The following FHIT variants were observed in gnomAD, a reference collection of about 807,000 sequenced individuals.
FHIT encodes bis(5'-adenosyl)-triphosphatase.
A neutral mutation model predicts 17.9 loss-of-function variants in FHIT; 19 were observed. The ratio of observed to expected loss-of-function variants is 1.06; its 90% CI spans 0.74 to 1.56. The LOEUF (loss-of-function observed/expected upper bound fraction) is 1.56, where lower values mean the gene tolerates loss of function less well. Among genes scored for constraint, FHIT ranks in the 40% most tolerant of loss-of-function variants. The probability of loss-of-function intolerance (pLI) is 0.00; values close to 1 mark genes in which losing one functional copy is unlikely to be tolerated. For missense variants in FHIT, 248 were observed against 189.2 expected (o/e 1.31, Z -1.82); for synonymous variants, 81 against 69.7 (o/e 1.16, Z -0.81).
intron 5 of FHIT, among the ~76,000 whole-genome samples, chr3:60,078,716 G>A (rs1466368516): frequency 6.6e-6 from 1 of 151,966 alleles, no homozygotes; most frequent in Non-Finnish European, 1.5e-5. Context: ...GAGCAAAGAG[G>A]CATCATGTAA....
intron 5 of FHIT, among the ~76,000 whole-genome samples, chr3:60,020,648 G>A (rs114329546): frequency 0.025 from 3,760 of 152,266 alleles, 146 homozygotes; most frequent in African/African-American, 0.083. Flanking sequence ...AGCTTGCAAT[G>A]CAGACCTCAG....
At chr3:60,673,100 G>A (rs1236141551) in intron 4 of FHIT, among the ~76,000 whole-genome samples, 1 of 151,890 alleles carries the variant, frequency 6.6e-6, no homozygotes, top group African/African-American at 2.4e-5. Flanking sequence ...GCTTTAAATA[G>A]TAAGTTACCC....
At chr3:60,805,869 G>A (rs1553733878) in intron 4 of FHIT, among the ~76,000 whole-genome samples, 1 of 152,120 alleles carries the variant, frequency 6.6e-6, no homozygotes, top group African/African-American at 2.4e-5. Flanking sequence ...TACCTTTAAA[G>A]GGGTAATTAA....
chr3:60,413,466 A>G (rs558188098), intron 5 of FHIT, among the ~76,000 whole-genome samples: 2 of 152,324 alleles, frequency 1.3e-5, no homozygotes, highest in Non-Finnish European at 2.9e-5. Flanking sequence ...TAAAGGTCTT[A>G]CTTAAGAAGT....
At chr3:60,876,609 T>C (rs1704667973) in intron 3 of FHIT, among the ~76,000 whole-genome samples, 1 of 152,174 alleles carries the variant, frequency 6.6e-6, no homozygotes, top group Non-Finnish European at 1.5e-5. Context: ...AACAAGTAAA[T>C]ACAAAAGTGT....
At chr3:61,057,381 A>G (rs1204610552) in intron 2 of FHIT, among the ~76,000 whole-genome samples, 1 of 152,160 alleles carries the variant, frequency 6.6e-6, no homozygotes, top group Admixed American at 6.5e-5. Context: ...TGGCATCCAT[A>G]TGTTACTCAA....
At chr3:61,025,759 T>A (rs1335390817) in intron 3 of FHIT, among the ~76,000 whole-genome samples, 1 of 152,022 alleles carries the variant, frequency 6.6e-6, no homozygotes, top group African/African-American at 2.4e-5. Context: ...GACTATCTTA[T>A]GTGAGGGAAA....
rs143398537 is a variant in FHIT, at chr3:61,173,284, T to C, written c.-164+27333A>G. Among the ~76,000 whole-genome samples, 309 of 151,972 alleles carry C rather than the reference T, an allele frequency of 2.0e-3. 4 individuals carry two copies. Among genetic ancestry groups the C allele is most frequent in the African/African-American group, 7.3e-3 (301 of 41,498 alleles). On this transcript the variant is annotated intron_variant, in intron 2 of 9. Coordinates refer to ENST00000492590, the MANE Select transcript of FHIT (RefSeq NM_002012.4). ...GGAGCTGCTGAAAAGAAAAAAAAAA[T>C]CTCTTTTTAAAAAACTCAAACAGCT...
intron 6 of FHIT, 129 bp downstream of exon 6, chr3:60,013,878 C>G: frequency 1.0e-6 from 1 of 969,144 alleles, no homozygotes; most frequent in Non-Finnish European, 1.6e-6. Flanking sequence ...TTAGAAATCT[C>G]TTTTTTTGGC....
At chr3:59,988,146 A>T (rs184812722) in intron 7 of FHIT, among the ~76,000 whole-genome samples, 170 of 152,230 alleles carry the variant, frequency 1.1e-3, no homozygotes, top group African/African-American at 4.1e-3. Context: ...ACAGAGAATG[A>T]GAAATTCTCA....
intron 8 of FHIT, among the ~76,000 whole-genome samples, chr3:59,807,403 C>CAAGAATA (rs1289074191): frequency 6.6e-6 from 1 of 152,118 alleles, no homozygotes; most frequent in East Asian, 1.9e-4. Flanking sequence ...GTGTCATCAG[C>CAAGAATA]AAGAATAAGG....
intron 4 of FHIT, among the ~76,000 whole-genome samples, chr3:60,602,168 CCA>C (rs2038464975): frequency 1.3e-5 from 2 of 152,082 alleles, no homozygotes; most frequent in African/African-American, 4.8e-5. Flanking sequence ...AGAACTGAAT[CCA>C]TGGGTGGAAA....
At chr3:61,216,119 C>T (rs2039666859) in intron 1 of FHIT, among the ~76,000 whole-genome samples, 1 of 152,100 alleles carries the variant, frequency 6.6e-6, no homozygotes, top group Admixed American at 6.5e-5. Flanking sequence ...AAAGCAATGG[C>T]AACAAAAGCC....
At chr3:60,523,928 C>T (rs945837690) in intron 5 of FHIT, among the ~76,000 whole-genome samples, 2 of 152,212 alleles carry the variant, frequency 1.3e-5, no homozygotes, top group Non-Finnish European at 2.9e-5. Flanking sequence ...TCCTGGTTGA[C>T]ACTATGTTAA....
intron 4 of FHIT, among the ~76,000 whole-genome samples, chr3:60,766,195 G>T (rs1699849118): frequency 6.6e-6 from 1 of 151,972 alleles, no homozygotes; most frequent in African/African-American, 2.4e-5. Context: ...AATATACTTG[G>T]ACACATGAAA....
intron 4 of FHIT, among the ~76,000 whole-genome samples, chr3:60,630,390 G>A (rs912535332): frequency 1.3e-5 from 2 of 152,126 alleles, no homozygotes; most frequent in South Asian, 2.1e-4. Context: ...CAATGCTCTC[G>A]TTGATCACAA....
At chr3:60,613,062 A>C (rs912281354) in intron 4 of FHIT, among the ~76,000 whole-genome samples, 3 of 152,230 alleles carry the variant, frequency 2.0e-5, no homozygotes, top group African/African-American at 7.2e-5. Context: ...CTGCAGGAAC[A>C]TGCCTCTGAA....
At position 60,163,572 on chromosome 3, in the gene FHIT, T is replaced by G. The variant is rs529541633; in HGVS notation, c.104-149420A>C. Among the ~76,000 whole-genome samples the G allele has an allele frequency of 3.7e-3, 570 of 152,276 alleles. 3 individuals carry two copies. Among genetic ancestry groups the G allele is most frequent in the African/African-American group, 0.012 (517 of 41,566 alleles). On this transcript the variant is annotated intron_variant, in intron 5 of 9. Coordinates refer to ENST00000492590, the MANE Select transcript of FHIT (RefSeq NM_002012.4). ...CTGTTCCCTACCCATCTCTGCCACC[T>G]TGCTGACTCCTGCTCACCCTTCAGA...
rs1008812731 is a variant in FHIT at position 61,210,810 on chromosome 3, G to A, written c.-212-10145C>T. ...TCACACACAGTGCGCTGCACCCACT[G>A]TCCTGCACCCACTGTATTGCACTCC... is the stretch of plus-strand genomic sequence containing the variant. On this transcript the variant is annotated intron_variant, in intron 1 of 9. Coordinates refer to ENST00000492590, the MANE Select transcript of FHIT (RefSeq NM_002012.4). 2.0e-5 allele frequency among the ~76,000 whole-genome samples: 3 copies of A among 151,830 alleles called. No homozygotes were observed. The East Asian group carries it at 6.0e-4, about 31-fold the overall frequency.
Sources: gnomAD v4.1 joint callset for allele counts (sites outside exome capture counted in the v4.1 genomes callset) on GRCh38, gnomAD v4.1.1 for gene constraint, MANE v1.5 for transcripts, NCBI Gene and HGNC (gene_info 2026-07-23, HGNC 2026-07-21) for gene names.